Variants in UBAP2 observed in about 807,000 individuals in gnomAD.
UBAP2 encodes the protein ubiquitin-associated protein 2.
UBAP2 carries 75 observed loss-of-function variants against 139.6 expected under a neutral mutation model. That is an observed-to-expected ratio of 0.54 (90% confidence interval 0.45 to 0.65). UBAP2 has a LOEUF of 0.65. Ranked by LOEUF, UBAP2 falls within the 30% of genes least tolerant of loss-of-function variation. The probability of loss-of-function intolerance (pLI) is 0.00; values close to 1 mark genes in which losing one functional copy is unlikely to be tolerated. For missense variants in UBAP2, 1,368 were observed against 1,369.6 expected, an observed-to-expected ratio of 1.00 and a Z score of 0.02; for synonymous variants, 526 against 526.2, an observed-to-expected ratio of 1.00 and a Z score of 0.01.
chr9:33,925,569 A>C (rs1480013113), intron 22 of UBAP2, among the ~76,000 whole-genome samples: 1 of 152,186 alleles, frequency 6.6e-6, no homozygotes, highest in Non-Finnish European at 1.5e-5. Flanking sequence ...GGGGCTCAGC[A>C]CCACCTCCTG....
chr9:33,943,447 G>A lies in UBAP2; in HGVS notation c.1688C>T (p.Pro563Leu). The stretch of plus-strand genomic sequence containing the variant: ...TAAAGACTTCGAATACAAGCTGATG[G>A]GAATCTGATTACTATTTTCACTGCT... ...APSSENSNQI[P>L]ISLYSKSLSE... Residue 563 changes from proline to leucine, a missense_variant, in exon 15 of 29, where the codon CCC (proline) becomes CTC (leucine). Coordinates refer to ENST00000379238, the MANE Select transcript of UBAP2 (RefSeq NM_001370062.2). The A allele has an allele frequency of 6.2e-7, 1 of 1,614,100 alleles. No homozygotes were observed. Among genetic ancestry groups the A allele is most frequent in the East Asian group, 2.2e-5 (1 of 44,878 alleles).
intron 2 of UBAP2, among the ~76,000 whole-genome samples, chr9:34,003,264 C>T (rs757359696): frequency 2.1e-4 from 32 of 151,686 alleles, no homozygotes; most frequent in Non-Finnish European, 3.7e-4. Context: ...CGTCTGACCT[C>T]GAGTGATCTG....
At chr9:34,040,951 A>G (rs1827018468) in intron 1 of UBAP2, among the ~76,000 whole-genome samples, 1 of 152,208 alleles carries the variant, frequency 6.6e-6, no homozygotes, top group South Asian at 2.1e-4. Flanking sequence ...TAAAAGTTAC[A>G]CATACCCTAC....
intron 1 of UBAP2, among the ~76,000 whole-genome samples, chr9:34,036,911 G>A (rs951388823): frequency 1.3e-5 from 2 of 149,896 alleles, no homozygotes; most frequent in Non-Finnish European, 3.0e-5. Flanking sequence ...TCCCCTCCAG[G>A]GTTCCAGCAA....
At chr9:34,032,113 T>C (rs969528124) in intron 1 of UBAP2, among the ~76,000 whole-genome samples, 7 of 152,030 alleles carry the variant, frequency 4.6e-5, no homozygotes, top group East Asian at 1.9e-4. Flanking sequence ...CTGGGCAACA[T>C]AGCATGACCC....
chr9:33,951,902 G>A (rs532466067), intron 12 of UBAP2, among the ~76,000 whole-genome samples: 103 of 152,230 alleles, frequency 6.8e-4, no homozygotes, highest in African/African-American at 2.3e-3. Context: ...ACTCTGGTGC[G>A]TCAATTAAAA....
At chr9:33,933,142 A>G (rs1354974147) in intron 18 of UBAP2, among the ~76,000 whole-genome samples, 1 of 152,136 alleles carries the variant, frequency 6.6e-6, no homozygotes, top group Non-Finnish European at 1.5e-5. Flanking sequence ...TCAGAAATCC[A>G]TCATTCTCAT....
chr9:34,047,232 A>G (rs1470900177), intron 1 of UBAP2, among the ~76,000 whole-genome samples: 1 of 152,220 alleles, frequency 6.6e-6, no homozygotes, highest in Non-Finnish European at 1.5e-5. Flanking sequence ...CACACGTATC[A>G]ACTAGCCATA....
At chr9:34,015,950 T>C (rs1824214488) in intron 2 of UBAP2, among the ~76,000 whole-genome samples, 2 of 152,304 alleles carry the variant, frequency 1.3e-5, no homozygotes, top group East Asian at 3.9e-4. Context: ...ATTACAGACA[T>C]GAGCCACTAT....
rs1386355202 is a variant in UBAP2 at position 33,944,573 on chromosome 9, C to T, written c.1337G>A (p.Ser446Asn). ...SQLSQRQQHQ[S>N]QAVTVPPPGL... ...AGGAGGAGGAACAGTGACTGCCTGG[C>T]TCTGGTGCTGTTGTCGCTGGCTCAA... Residue 446 changes from serine to asparagine, a missense_variant, in exon 14 of 29, where the codon AGC becomes AAC. Transcript: ENST00000379238. 2 of 1,614,118 alleles carry T rather than the reference C, an allele frequency of 1.2e-6. No individual in the cohort carries two copies. Among genetic ancestry groups the T allele is most frequent in the South Asian group, 1.1e-5 (1 of 91,076 alleles).
At chr9:33,995,498 T>A (rs977799057) in intron 4 of UBAP2, 2 of 130,760 alleles carry the variant, frequency 1.5e-5, no homozygotes, top group South Asian at 2.1e-4. Flanking sequence ...TTATTAAATA[T>A]ATATATTTAT....
intron 8 of UBAP2, among the ~76,000 whole-genome samples, chr9:33,970,669 T>C (rs1352098668): frequency 6.6e-6 from 1 of 152,202 alleles, no homozygotes; most frequent in East Asian, 1.9e-4. Flanking sequence ...CTGGCTCAAG[T>C]GATCCTCCCG....
At chr9:33,993,896 CTTT>C (rs34361153) in intron 4 of UBAP2, among the ~76,000 whole-genome samples, 10 of 137,260 alleles carry the variant, frequency 7.3e-5, no homozygotes, top group Non-Finnish European at 1.1e-4. Flanking sequence ...GCTTTGCTTT[CTTT>C]TTTTTTTTTT....
At chr9:33,992,435 C>T (rs1371784945) in intron 4 of UBAP2, among the ~76,000 whole-genome samples, 1 of 149,272 alleles carries the variant, frequency 6.7e-6, no homozygotes, top group African/African-American at 2.5e-5. Flanking sequence ...TGGCACATGT[C>T]TGTAATCCCA....
At chr9:33,935,353 A>C (rs1410639266) in intron 17 of UBAP2, 2 of 154,134 alleles carry the variant, frequency 1.3e-5, no homozygotes, top group African/African-American at 4.8e-5. Context: ...TTTGTAGCCC[A>C]AGCTGGCTCA....
intron 19 of UBAP2, 118 bp downstream of exon 19, chr9:33,932,444 A>C: frequency 8.5e-7 from 1 of 1,182,268 alleles, no homozygotes; most frequent in South Asian, 1.5e-5. Flanking sequence ...AAGACATTTC[A>C]GCCAAGCAAC....
At chr9:33,942,547 AC>A (rs1441629378) in intron 15 of UBAP2, among the ~76,000 whole-genome samples, 2 of 151,788 alleles carry the variant, frequency 1.3e-5, no homozygotes, top group Non-Finnish European at 2.9e-5. Context: ...GGGCAACATG[AC>A]GAAACCCTGT....
intron 16 of UBAP2, among the ~76,000 whole-genome samples, chr9:33,939,891 GGGGAGGAGGAGGAGGA>G (rs1825024801): frequency 5.6e-5 from 1 of 17,964 alleles, no homozygotes; most frequent in Non-Finnish European, 1.3e-4. Context: ...AGGAGGAGGA[GGGGAGGAGGAGGAGGA>G]TGGGGAGGAG....
intron 2 of UBAP2, among the ~76,000 whole-genome samples, chr9:34,005,707 A>AT (rs777620769): frequency 5.3e-4 from 80 of 152,288 alleles, no homozygotes; most frequent in Non-Finnish European, 1.0e-3. Flanking sequence ...AAAAGAAAGC[A>AT]AAGTGTCAAA....
Sources: gnomAD v4.1 joint callset for allele counts (sites outside exome capture counted in the v4.1 genomes callset) on GRCh38, gnomAD v4.1.1 for gene constraint, MANE v1.5 for transcripts, NCBI Gene and HGNC (gene_info 2026-07-23, HGNC 2026-07-21) for gene names.